Variants in SLF1 observed in about 807,000 individuals in gnomAD.
SLF1 encodes the protein SMC5/6 complex localization factor 1, also known as SMC5-SMC6 complex localization factor protein 1.
Under a neutral mutation model 123.0 loss-of-function variants are expected in SLF1, and 105 were observed. That is an observed-to-expected ratio of 0.85 (90% CI 0.73 to 1.00). The LOEUF (loss-of-function observed/expected upper bound fraction) is 1.00, where lower values mean the gene tolerates loss of function less well. Ranked by LOEUF, SLF1 falls within the 50% of genes least tolerant of loss-of-function variation. The pLI is 0.00. For synonymous variants in SLF1, 434 were observed against 406.6 expected (o/e 1.07, Z -0.81); for missense variants, 1,239 against 1,223.0 (o/e 1.01, Z -0.20).
At position 94,649,498 on chromosome 5, in the gene SLF1, G is replaced by A; in HGVS notation, c.639G>A (p.Trp213Ter). The A allele has an allele frequency of 1.3e-6, 2 of 1,536,058 alleles. No individual in the cohort carries two copies. Among genetic ancestry groups the A allele is most frequent in the Non-Finnish European group, 1.8e-6 (2 of 1,136,428 alleles). ...AAGATTCCCAAACCAATTCTGTTTG[G>A]ACTGAACATAGCAATGAAGAAACAA... is the stretch of plus-strand genomic sequence containing the variant. ...NDEDSQTNSVWTEHSNEETNK... is the reference protein window; with the variant it reads ...NDEDSQTNSV The change falls in exon 6 of 21, where the codon TGG becomes TGA. Residue 213 changes from tryptophan (W) to a stop codon, truncating the protein, a stop_gained. Coordinates refer to ENST00000265140, the MANE Select transcript of SLF1 (RefSeq NM_032290.4). LOFTEE classifies it high-confidence loss of function.
At chr5:94,623,075 G>A (rs1791937606) in intron 1 of SLF1, among the ~76,000 whole-genome samples, 1 of 152,050 alleles carries the variant, frequency 6.6e-6, no homozygotes, top group Admixed American at 6.5e-5. Flanking sequence ...TTCTAGCTAT[G>A]TGTTACATTA....
chr5:94,619,705 A>G (rs537560165), intron 1 of SLF1, among the ~76,000 whole-genome samples: 3 of 152,168 alleles, frequency 2.0e-5, no homozygotes, highest in Non-Finnish European at 2.9e-5. Flanking sequence ...TTTTTGGTTT[A>G]TGTTATTCCG....
intron 14 of SLF1, among the ~76,000 whole-genome samples, chr5:94,677,839 C>T (rs561601045): frequency 2.6e-5 from 4 of 152,050 alleles, no homozygotes; most frequent in South Asian, 4.2e-4. Context: ...GGGTAAAGCA[C>T]GCTTAGAAGG....
chr5:94,683,242 C>T (rs1250485642), intron 15 of SLF1, among the ~76,000 whole-genome samples: 2 of 152,018 alleles, frequency 1.3e-5, no homozygotes, highest in African/African-American at 4.8e-5. Flanking sequence ...TGCTTCAGAC[C>T]TTTTTCCTAA....
At chr5:94,667,369 CCTTT>C (rs1306766546) in intron 12 of SLF1, among the ~76,000 whole-genome samples, 1 of 152,142 alleles carries the variant, frequency 6.6e-6, no homozygotes, top group Non-Finnish European at 1.5e-5. Context: ...CAAATCTATT[CCTTT>C]CTTCACTGTC....
intron 9 of SLF1, among the ~76,000 whole-genome samples, chr5:94,656,357 A>G (rs563904174): frequency 1.1e-4 from 16 of 151,940 alleles, no homozygotes; most frequent in Admixed American, 6.6e-4. Context: ...ATCATAGTGT[A>G]CTGACTCTTT....
chr5:94,691,739 A>G, intron 19 of SLF1, 83 bp downstream of exon 19: 2 of 1,037,946 alleles, frequency 1.9e-6, no homozygotes, highest in East Asian at 2.9e-5. Context: ...AAGAAAAATT[A>G]TTTAAGTAAA....
At chr5:94,644,384 A>C (rs566748066) in intron 5 of SLF1, among the ~76,000 whole-genome samples, 97 of 151,870 alleles carry the variant, frequency 6.4e-4, no homozygotes, top group Non-Finnish European at 1.2e-3. Context: ...CCTACGTAAA[A>C]CTCTTCAGTG....
At chr5:94,676,213 A>G (rs1213362619) in intron 14 of SLF1, among the ~76,000 whole-genome samples, 11 of 152,154 alleles carry the variant, frequency 7.2e-5, no homozygotes, top group Non-Finnish European at 1.6e-4. Flanking sequence ...TTACTAGTTT[A>G]AATATATATT....
intron 12 of SLF1, among the ~76,000 whole-genome samples, chr5:94,668,086 C>T (rs572333011): frequency 6.6e-6 from 1 of 151,912 alleles, no homozygotes; most frequent in East Asian, 1.9e-4. Context: ...CTCCTCTCTC[C>T]TCTCCTCTCT....
chr5:94,661,743 G>T (rs566146433), intron 9 of SLF1, among the ~76,000 whole-genome samples: 1 of 152,024 alleles, frequency 6.6e-6, no homozygotes, highest in Non-Finnish European at 1.5e-5. Context: ...TGCCATGTTG[G>T]CCAGGCTGTT....
chr5:94,640,089 C>T (rs146999615), intron 4 of SLF1, among the ~76,000 whole-genome samples: 24 of 152,258 alleles, frequency 1.6e-4, no homozygotes, highest in African/African-American at 5.8e-4. Flanking sequence ...TTTGCCATTT[C>T]CTGGCATTAG....
Position 94,651,838 on chromosome 5 carries a change from A to G in SLF1, c.875A>G (p.Glu292Gly). The G allele has an allele frequency of 7.2e-7, 1 of 1,398,412 alleles. No homozygotes were observed. The highest frequency in any genetic ancestry group is 1.5e-5 in the African/African-American group (1 of 67,942). 86.6% of individuals were successfully genotyped at this position (1,398,412 alleles called of 1,614,324 possible). ...MRNTFGSHTYENQKEIKKKDE... is the reference protein window; with the variant it reads ...MRNTFGSHTYGNQKEIKKKDE... ...AATACCTTTGGAAGCCATACATATG[A>G]AAATCAGGTACAACTTTCCAAATTA... The change falls in exon 7 of 21, where the codon GAA becomes GGA. Residue 292 changes from glutamate to glycine, a missense_variant. Coordinates refer to ENST00000265140, the MANE Select transcript of SLF1 (RefSeq NM_032290.4).
In SLF1 at chr5:94,695,302, A is replaced by T. The variant is rs1446940170; in HGVS notation, c.3167A>T (p.Glu1056Val). The T allele has an allele frequency of 6.2e-7, 1 of 1,604,318 alleles. No homozygotes were observed. The highest frequency in any genetic ancestry group is 8.5e-7 in the Non-Finnish European group (1 of 1,174,616). The change falls in exon 21 of 21, where the codon GAG (glutamate) becomes GTG (valine). Residue 1056 changes from glutamate (E) to valine (V), a missense_variant. Physicochemically the swap from Glu to Val is moderately radical, Grantham distance 121. Coordinates refer to ENST00000265140, the MANE Select transcript of SLF1 (RefSeq NM_032290.4). ...TLEMMCRSVM[E>V]FS ...GAAATGATGTGTCGGTCAGTCATGG[A>T]GTTTTCATGATGATGCTAGAAAGTA... is the stretch of plus-strand genomic sequence containing the variant.
Position 94,678,855 on chromosome 5 carries a change from A to G in SLF1, c.1875A>G (p.Ala625=). 1 of 1,613,724 alleles carries G rather than the reference A, an allele frequency of 6.2e-7. No homozygotes were observed. Among genetic ancestry groups the G allele is most frequent in the Admixed American group, 1.7e-5 (1 of 60,028 alleles). The change falls in exon 15 of 21, where the codon GCA becomes GCG. Residue 625 remains alanine, a synonymous_variant. Coordinates refer to ENST00000265140, the MANE Select transcript of SLF1 (RefSeq NM_032290.4). The part of the protein sequence containing the change: ...LAYLLAGILG[A]AIDYWIFLGL... ...ACTTATTGGCTGGAATTCTTGGAGC[A>G]GCAATAGATTATTGGATTTTCCTTG...
rs1392724396 is a variant in SLF1, at chr5:94,694,972, A to G, written c.2837A>G (p.His946Arg). 1.9e-6 allele frequency: 3 copies of G among 1,612,546 alleles called. No homozygotes were observed. Among genetic ancestry groups the G allele is most frequent in the African/African-American group, 1.3e-5 (1 of 74,802 alleles). The change falls in exon 21 of 21, where the codon CAT becomes CGT. Residue 946 changes from histidine (H) to arginine (R), a missense_variant. Physicochemically the swap from His to Arg is conservative, Grantham distance 29. Coordinates refer to ENST00000265140, the MANE Select transcript of SLF1 (RefSeq NM_032290.4). ...VENFHAQAEK[H>R]FHYQQLEFGS... Reference sequence around the variant, plus strand: ...AACTTTCATGCACAAGCAGAGAAACATTTTCATTACCAGCAACTTGAATTT... The same window carrying G: ...AACTTTCATGCACAAGCAGAGAAACGTTTTCATTACCAGCAACTTGAATTT...
chr5:94,648,161 T>C (rs1019701615), intron 5 of SLF1, among the ~76,000 whole-genome samples: 2 of 152,204 alleles, frequency 1.3e-5, no homozygotes, highest in Admixed American at 6.5e-5. Flanking sequence ...CAAGTTACAC[T>C]TAACAGAAAT....
At chr5:94,692,317 A>G in intron 20 of SLF1, 61 bp downstream of exon 20, 1 of 1,458,068 alleles carries the variant, frequency 6.9e-7, no homozygotes. Context: ...TGAATCCTGC[A>G]GAGGTAGATA....
At chr5:94,646,821 T>C (rs979257272) in intron 5 of SLF1, among the ~76,000 whole-genome samples, 19 of 152,226 alleles carry the variant, frequency 1.2e-4, no homozygotes, top group African/African-American at 4.3e-4. Flanking sequence ...GTGTAGAAGC[T>C]AATACTACAT....
Sources: allele counts gnomAD v4.1 joint callset (sites outside exome capture counted in the v4.1 genomes callset), GRCh38; gene constraint gnomAD v4.1.1; transcripts MANE v1.5; gene names NCBI Gene and HGNC (gene_info 2026-07-23, HGNC 2026-07-21).